HK1: variants seen among roughly 807,000 people sequenced by gnomAD.
The protein encoded by HK1 is hexokinase 1.
Under a neutral mutation model 91.6 loss-of-function variants are expected in HK1, and 28 were observed. The observed-to-expected ratio is 0.31, with a 90% CI of 0.23 to 0.42. HK1 has a LOEUF of 0.42. Ranked by LOEUF, HK1 falls within the 10% of genes least tolerant of loss-of-function variation. The probability of loss-of-function intolerance (pLI) is 1.00; values close to 1 mark genes in which losing one functional copy is unlikely to be tolerated. For synonymous variants in HK1, 430 were observed against 468.1 expected (o/e 0.92, Z 1.05); for missense variants, 770 against 1,219.8 (o/e 0.63, Z 5.49).
intron 12 of HK1, among the ~76,000 whole-genome samples, chr10:69,385,540 CAG>C (rs1839591281): frequency 6.6e-6 from 1 of 152,202 alleles, no homozygotes. Flanking sequence ...ACCAATGGTG[CAG>C]AGTCACGGAG....
At chr10:69,297,002 A>G (rs1480035187) in intron 4 of HK1, among the ~76,000 whole-genome samples, 1 of 152,192 alleles carries the variant, frequency 6.6e-6, no homozygotes, top group Non-Finnish European at 1.5e-5. Flanking sequence ...AAGAAAGTAC[A>G]GTTGACCCTG....
intron 13 of HK1, 99 bp downstream of exon 13, chr10:69,386,517 C>T (rs1483255219): frequency 1.7e-5 from 16 of 919,526 alleles, no homozygotes; most frequent in Non-Finnish European, 2.7e-5. Context: ...GGCGTGGTGG[C>T]TCACGCCTGT....
At chr10:69,353,876 T>C (rs1031275376) in intron 2 of HK1, among the ~76,000 whole-genome samples, 1 of 152,206 alleles carries the variant, frequency 6.6e-6, no homozygotes, top group Non-Finnish European at 1.5e-5. Flanking sequence ...CGTAGCAAAC[T>C]AATGCAACCC....
At chr10:69,325,390 C>T (rs1847284575) in intron 1 of HK1, among the ~76,000 whole-genome samples, 1 of 151,762 alleles carries the variant, frequency 6.6e-6, no homozygotes, top group Non-Finnish European at 1.5e-5. Context: ...TGGAGTTCTG[C>T]TCTGTTGCCC....
intron 5 of HK1, among the ~76,000 whole-genome samples, chr10:69,368,999 G>A (rs1251316610): frequency 2.6e-5 from 4 of 152,224 alleles, no homozygotes; most frequent in African/African-American, 9.6e-5. Context: ...AGCTCCATGA[G>A]TAAAATCCCC....
At chr10:69,359,318 A>G (rs1302894441) in intron 2 of HK1, among the ~76,000 whole-genome samples, 2 of 152,228 alleles carry the variant, frequency 1.3e-5, no homozygotes, top group Non-Finnish European at 2.9e-5. Context: ...TGATGGTTGC[A>G]CAACATTGTG....
chr10:69,366,875 G>A (rs1305380127), intron 4 of HK1, among the ~76,000 whole-genome samples: 2 of 152,208 alleles, frequency 1.3e-5, no homozygotes, highest in African/African-American at 4.8e-5. Context: ...GCGTTTCACC[G>A]TTGTTTACAT....
chr10:69,295,530 T>C, intron 3 of HK1: 2 of 805,172 alleles, frequency 2.5e-6, no homozygotes, highest in East Asian at 2.5e-5. Flanking sequence ...GTAATTACTT[T>C]TGTTTTCTGA....
chr10:69,299,819 AC>A (rs201237742), intron 4 of HK1, among the ~76,000 whole-genome samples: 3,234 of 149,636 alleles, frequency 0.022, 199 homozygotes, highest in African/African-American at 0.075. Flanking sequence ...CTGCCACTAC[AC>A]CCAGTAATTT....
intron 1 of HK1, among the ~76,000 whole-genome samples, chr10:69,330,703 A>G (rs1232638453): frequency 6.6e-6 from 1 of 152,158 alleles, no homozygotes; most frequent in Non-Finnish European, 1.5e-5. Context: ...AGAAAGGGAC[A>G]TCCTTATCTC....
chr10:69,392,580 G>A (rs759473728), intron 15 of HK1, among the ~76,000 whole-genome samples: 5 of 152,172 alleles, frequency 3.3e-5, no homozygotes, highest in African/African-American at 9.7e-5. Context: ...CTGGCCTTCC[G>A]GTCCCCTTGC....
At chr10:69,395,208 T>C in intron 16 of HK1, 103 bp downstream of exon 16, 1 of 1,066,972 alleles carries the variant, frequency 9.4e-7, no homozygotes, top group Non-Finnish European at 1.4e-6. Context: ...ATTTTGGCCA[T>C]TTTTGAGGAT....
intron 11 of HK1, 79 bp from the exon 12 acceptor site, chr10:69,384,717 G>A (rs150976961): frequency 1.3e-6 from 2 of 1,565,248 alleles, no homozygotes; most frequent in East Asian, 2.2e-5. Context: ...GTGTGTGTGT[G>A]TATACACACT....
In HK1 at chr10:69,369,156, A is replaced by C. The variant is rs1194628400; in HGVS notation, c.592-81A>C. 9.7e-7 allele frequency: 1 copy of C among 1,025,662 alleles called. No individual in the cohort carries two copies. The highest frequency in any genetic ancestry group is 1.5e-6 in the Non-Finnish European group (1 of 652,106). The allele number at this position is 1,025,662 out of a possible 1,614,324, so 63.5% of individuals were successfully genotyped here. A position where few individuals can be genotyped will look rare whatever the true frequency, so the allele number is the denominator to read the frequency against. ...AAGCAGGGGTTCTGAAAACGGGAGCACTTCTGCCAAGCGCTGTTAAGGTGT... is the reference window on the plus strand; with the variant it reads ...AAGCAGGGGTTCTGAAAACGGGAGCCCTTCTGCCAAGCGCTGTTAAGGTGT... On this transcript the variant is annotated intron_variant, in intron 5 of 17. Coordinates refer to ENST00000359426, the MANE Select transcript of HK1 (RefSeq NM_000188.3). The surrounding 1 kb of genome is among the most constrained non-coding windows in gnomAD (Gnocchi z 4.4).
At chr10:69,271,988 C>A (rs369143074) in intron 1 of HK1, among the ~76,000 whole-genome samples, 3 of 152,032 alleles carry the variant, frequency 2.0e-5, no homozygotes, top group Non-Finnish European at 4.4e-5. Flanking sequence ...CTCAGCCTCC[C>A]GAGTAGCTGG....
At chr10:69,350,428 C>T (rs1312043090) in intron 2 of HK1, among the ~76,000 whole-genome samples, 2 of 152,078 alleles carry the variant, frequency 1.3e-5, no homozygotes, top group African/African-American at 2.4e-5. Context: ...TTTGGGAGGC[C>T]GAGGTGGGCG....
At chr10:69,306,145 A>T (rs1043343347) in intron 5 of HK1, among the ~76,000 whole-genome samples, 3 of 152,026 alleles carry the variant, frequency 2.0e-5, no homozygotes, top group Admixed American at 6.6e-5. Context: ...TCATGAGGTC[A>T]GGAGATTGAG....
In HK1 at chr10:69,378,537, A is replaced by G. The variant is rs145803368; in HGVS notation, c.1032-1325A>G. Among the ~76,000 whole-genome samples the G allele has an allele frequency of 1.5e-4, 23 of 152,324 alleles. No homozygotes were observed. In the East Asian group the frequency reaches 4.4e-3, roughly 29 times the overall value. ...CATTATTTGCAAATGGTAAAAGTCT[A>G]TATGGAATACCCCCAAAATATCTAC... On this transcript the variant is annotated intron_variant, in intron 8 of 17. Transcript: ENST00000359426.
At chr10:69,322,192 G>C (rs1216241282) in intron 1 of HK1, among the ~76,000 whole-genome samples, 1 of 152,208 alleles carries the variant, frequency 6.6e-6, no homozygotes, top group Non-Finnish European at 1.5e-5. Context: ...CTTTCCTCCA[G>C]GCTTGTCAGA....
Sources: allele counts gnomAD v4.1 joint callset (sites outside exome capture counted in the v4.1 genomes callset), GRCh38; gene constraint gnomAD v4.1.1; non-coding constraint Gnocchi (gnomAD v3.1); transcripts MANE v1.5; gene names NCBI Gene and HGNC (gene_info 2026-07-23, HGNC 2026-07-21).